The following LRRC4C variants were observed in gnomAD, a reference collection of about 807,000 sequenced individuals.
The protein encoded by LRRC4C is leucine-rich repeat-containing protein 4C.
LRRC4C carries 5 observed loss-of-function variants against 33.6 expected under a neutral mutation model. The ratio of observed to expected loss-of-function variants is 0.15; its 90% CI spans 0.08 to 0.31. The LOEUF is 0.31. Ranked by LOEUF, LRRC4C falls within the 10% of genes least tolerant of loss-of-function variation. The probability of loss-of-function intolerance (pLI) is 1.00; values close to 1 mark genes in which losing one functional copy is unlikely to be tolerated. For synonymous variants in LRRC4C, 329 were observed against 302.0 expected, an observed-to-expected ratio of 1.09 and a Z score of -0.93; for missense variants, 560 against 796.7, an observed-to-expected ratio of 0.70 and a Z score of 3.58.
At chr11:40,414,766 T>C (rs1374662448) in intron 3 of LRRC4C, among the ~76,000 whole-genome samples, 1 of 152,138 alleles carries the variant, frequency 6.6e-6, no homozygotes, top group Non-Finnish European at 1.5e-5. Context: ...ATCTAATTCA[T>C]GTATTCCTTA....
At chr11:40,196,486 C>T (rs1312495653) in intron 5 of LRRC4C, among the ~76,000 whole-genome samples, 5 of 152,154 alleles carry the variant, frequency 3.3e-5, no homozygotes, top group Admixed American at 2.0e-4. Flanking sequence ...TGTTTGTTAC[C>T]GTAACCTGTA....
At chr11:40,285,434 C>T (rs1018379011) in intron 4 of LRRC4C, among the ~76,000 whole-genome samples, 7 of 152,146 alleles carry the variant, frequency 4.6e-5, no homozygotes. Flanking sequence ...GTTGGGTCCC[C>T]ACAATGAGGA....
At chr11:40,693,576 T>C (rs1372295009) in intron 2 of LRRC4C, among the ~76,000 whole-genome samples, 1 of 152,078 alleles carries the variant, frequency 6.6e-6, no homozygotes, top group Non-Finnish European at 1.5e-5. Flanking sequence ...TGTGAGGTTG[T>C]TACCAGCTAA....
At chr11:40,987,313 T>C (rs1853086385) in intron 1 of LRRC4C, among the ~76,000 whole-genome samples, 1 of 152,132 alleles carries the variant, frequency 6.6e-6, no homozygotes, top group African/African-American at 2.4e-5. Context: ...ATTAAACACC[T>C]GTGAAGCAGC....
intron 3 of LRRC4C, among the ~76,000 whole-genome samples, chr11:40,563,622 T>C (rs1431416256): frequency 6.6e-6 from 1 of 152,186 alleles, no homozygotes; most frequent in Non-Finnish European, 1.5e-5. Context: ...GTACATGGGC[T>C]AATAGTTGGT....
chr11:40,903,527 A>T (rs1956295602), intron 2 of LRRC4C, among the ~76,000 whole-genome samples: 1 of 152,196 alleles, frequency 6.6e-6, no homozygotes, highest in Non-Finnish European at 1.5e-5. Flanking sequence ...TATCTGGTGG[A>T]TGTAAGCAAA....
intron 5 of LRRC4C, among the ~76,000 whole-genome samples, chr11:40,173,399 G>T (rs886218058): frequency 2.0e-5 from 3 of 152,170 alleles, no homozygotes; most frequent in African/African-American, 7.2e-5. Flanking sequence ...GGATTTGGGA[G>T]AATGCTAGAC....
intron 2 of LRRC4C, among the ~76,000 whole-genome samples, chr11:40,749,884 T>TA (rs997602976): frequency 3.9e-5 from 6 of 152,042 alleles, no homozygotes; most frequent in South Asian, 2.1e-4. Flanking sequence ...GGAAAACCTA[T>TA]AAAAAATTAA....
intron 1 of LRRC4C, among the ~76,000 whole-genome samples, chr11:41,408,273 G>T (rs1203266624): frequency 6.6e-6 from 1 of 152,090 alleles, no homozygotes; most frequent in Non-Finnish European, 1.5e-5. Context: ...CAGACTTTCA[G>T]GCAAATTACA....
At chr11:41,439,718 G>A (rs557976883) in intron 1 of LRRC4C, among the ~76,000 whole-genome samples, 3 of 152,172 alleles carry the variant, frequency 2.0e-5, no homozygotes, top group Non-Finnish European at 4.4e-5. Flanking sequence ...CCCACTTTGT[G>A]GCAACTCATG....
chr11:40,858,479 G>C (rs1263223568), intron 2 of LRRC4C, among the ~76,000 whole-genome samples: 1 of 152,016 alleles, frequency 6.6e-6, no homozygotes, highest in African/African-American at 2.4e-5. Flanking sequence ...CAGATAACTT[G>C]AGGTCAGGAG....
intron 2 of LRRC4C, among the ~76,000 whole-genome samples, chr11:40,815,358 C>T (rs1182733896): frequency 1.3e-5 from 2 of 152,302 alleles, no homozygotes; most frequent in South Asian, 2.1e-4. Context: ...CCTCCCACAA[C>T]ATGTGGGGAT....
intron 1 of LRRC4C, among the ~76,000 whole-genome samples, chr11:41,246,576 A>T (rs1948461222): frequency 1.3e-5 from 2 of 152,148 alleles, no homozygotes; most frequent in Admixed American, 1.3e-4. Flanking sequence ...CAGCTCCTGC[A>T]GCTCTGTGGA....
chr11:40,252,332 A>G (rs1866852728), intron 4 of LRRC4C, among the ~76,000 whole-genome samples: 1 of 151,930 alleles, frequency 6.6e-6, no homozygotes, highest in African/African-American at 2.4e-5. Flanking sequence ...TAACACATAT[A>G]TGTATATACA....
chr11:40,690,619 A>G (rs1363225966), intron 2 of LRRC4C, among the ~76,000 whole-genome samples: 1 of 152,066 alleles, frequency 6.6e-6, no homozygotes, highest in African/African-American at 2.4e-5. Flanking sequence ...TTTCTAAACC[A>G]TAGACTACTT....
At chr11:40,768,666 A>T (rs1255592902) in intron 2 of LRRC4C, among the ~76,000 whole-genome samples, 2 of 152,162 alleles carry the variant, frequency 1.3e-5, no homozygotes, top group East Asian at 3.9e-4. Flanking sequence ...TATCTCAGGG[A>T]TGCAAGGATG....
At chr11:41,385,203 A>G (rs866887603) in intron 1 of LRRC4C, among the ~76,000 whole-genome samples, 6 of 151,366 alleles carry the variant, frequency 4.0e-5, no homozygotes, top group African/African-American at 1.5e-4. Context: ...CTGATAGATC[A>G]AGCAAATAAA....
At chr11:41,414,058 T>G (rs1351334406) in intron 1 of LRRC4C, among the ~76,000 whole-genome samples, 2 of 152,178 alleles carry the variant, frequency 1.3e-5, no homozygotes, top group Non-Finnish European at 2.9e-5. Flanking sequence ...TTTAGGCAAG[T>G]GCTCATTTTC....
chr11:40,810,395 C>G (rs1370812976), intron 2 of LRRC4C, among the ~76,000 whole-genome samples: 1 of 152,118 alleles, frequency 6.6e-6, no homozygotes, highest in Non-Finnish European at 1.5e-5. Context: ...GGGGGAAGCC[C>G]TCATCAGTTT....
Sources: gnomAD v4.1 joint callset for allele counts (sites outside exome capture counted in the v4.1 genomes callset) on GRCh38, gnomAD v4.1.1 for gene constraint, MANE v1.5 for transcripts, NCBI Gene and HGNC (gene_info 2026-07-23, HGNC 2026-07-21) for gene names.